Variants in PFKM observed in about 807,000 individuals in gnomAD.
The protein encoded by PFKM is phosphofructokinase, muscle, also known as ATP-dependent 6-phosphofructokinase, muscle type.
A neutral mutation model predicts 95.5 loss-of-function variants in PFKM; 58 were observed. That is an observed-to-expected ratio of 0.61 (90% confidence interval 0.49 to 0.76). The LOEUF (loss-of-function observed/expected upper bound fraction) is 0.76, where lower values mean the gene tolerates loss of function less well. Among genes scored for constraint, PFKM ranks in the 30% least tolerant of loss-of-function variants. PFKM has a pLI of 0.00. For missense variants in PFKM, 678 were observed against 1,005.4 expected (o/e 0.67, Z 4.40); for synonymous variants, 336 against 357.2 (o/e 0.94, Z 0.67).
intron 3 of PFKM, among the ~76,000 whole-genome samples, chr12:48,114,307 C>T (rs548781114): frequency 6.6e-6 from 1 of 152,274 alleles, no homozygotes; most frequent in Non-Finnish European, 1.5e-5. Flanking sequence ...GAGAAAGAGC[C>T]TAAACGCTGG....
upstream of PFKM, chr12:48,105,524 C>A (rs544052887): frequency 1.4e-4 from 72 of 518,310 alleles, 1 homozygote; most frequent in South Asian, 9.9e-4. Context: ...CAGGGAGATA[C>A]CACAGAGTAG....
chr12:48,122,029 G>A lies in PFKM; in HGVS notation c.-8-738G>A, dbSNP rs923388791. 4.6e-5 allele frequency among the ~76,000 whole-genome samples: 7 copies of A among 152,176 alleles called. No homozygotes were observed. In the East Asian group the frequency reaches 1.4e-3, roughly 29 times the overall value. ...CGTATGTACACATCTGTGTATATAC[G>A]GCAGTGACTTTGTGTTAATTTTCTC... On this transcript the variant is annotated intron_variant, in intron 1 of 22. Transcript: ENST00000359794.
intron 4 of PFKM, chr12:48,131,607 GA>G: frequency 1.6e-6 from 1 of 606,804 alleles, no homozygotes; most frequent in Non-Finnish European, 3.0e-6. Flanking sequence ...GTGATCACAG[GA>G]TGCTTTGCTC....
At position 48,122,767 on chromosome 12, in the gene PFKM, A is replaced by G; in HGVS notation, c.-8A>G. The G allele has an allele frequency of 6.2e-7, 1 of 1,613,986 alleles. No homozygotes were observed. The highest frequency in any genetic ancestry group is 8.5e-7 in the Non-Finnish European group (1 of 1,179,916). On this transcript the variant is annotated splice_region_variant and 5_prime_UTR_variant, in exon 2 of 23. Coordinates refer to ENST00000359794, the MANE Select transcript of PFKM (RefSeq NM_000289.6). Reference sequence around the variant, plus strand: ...AACTGACCATTGTCTTAAATTCTAGAGTGGATCATGACCCATGAAGAGCAC... The same window carrying G: ...AACTGACCATTGTCTTAAATTCTAGGGTGGATCATGACCCATGAAGAGCAC...
intron 11 of PFKM, among the ~76,000 whole-genome samples, chr12:48,138,225 C>G (rs1189831626): frequency 6.6e-6 from 1 of 152,148 alleles, no homozygotes; most frequent in East Asian, 1.9e-4. Flanking sequence ...GCTTTTGTCT[C>G]TATGATTTCT....
intron 4 of PFKM, 104 bp downstream of exon 4, chr12:48,131,497 G>C: frequency 1.2e-6 from 1 of 853,662 alleles, no homozygotes; most frequent in South Asian, 1.4e-5. Flanking sequence ...GTGGTTTCAT[G>C]GGAAGGAATT....
chr12:48,133,090 T>A lies in PFKM; in HGVS notation c.427+33T>A. The stretch of plus-strand genomic sequence containing the variant: ...AGTTTTCACATCAGTATTGCTTATT[T>A]GTGTCGGTACGTGCACGCGTGTACA... On this transcript the variant is annotated intron_variant, in intron 5 of 22. Transcript: ENST00000359794. 3.1e-6 allele frequency: 5 copies of A among 1,597,106 alleles called. No individual in the cohort carries two copies. In the South Asian group the frequency reaches 5.5e-5, roughly 18 times the overall value.
At chr12:48,123,947 T>C (rs1028013341) in intron 2 of PFKM, among the ~76,000 whole-genome samples, 1 of 152,200 alleles carries the variant, frequency 6.6e-6, no homozygotes, top group African/African-American at 2.4e-5. Flanking sequence ...ACTCTTTATT[T>C]AAGTAAGGTG....
At chr12:48,137,586 A>G in intron 10 of PFKM, 135 bp from the exon 11 acceptor site, 1 of 972,100 alleles carries the variant, frequency 1.0e-6, no homozygotes, top group Admixed American at 1.9e-5. Flanking sequence ...AAGCCCAGTA[A>G]GTTCTTTGCT....
intron 4 of PFKM, chr12:48,131,664 C>G: frequency 2.1e-6 from 1 of 483,704 alleles, no homozygotes. Flanking sequence ...GACACATAAG[C>G]AGATCTTACT....
At chr12:48,131,902 G>T (rs986799960) in intron 4 of PFKM, 2 of 405,692 alleles carry the variant, frequency 4.9e-6, no homozygotes, top group South Asian at 3.7e-5. Flanking sequence ...GCTCCATGTT[G>T]TTTTAGGCTT....
intron 6 of PFKM, among the ~76,000 whole-genome samples, 170 bp from the exon 7 acceptor site, chr12:48,134,062 A>G (rs191189104): frequency 5.9e-4 from 90 of 152,158 alleles, no homozygotes; most frequent in Admixed American, 5.0e-3. Flanking sequence ...TAGGAAGGAT[A>G]CCTTGTGGCT....
At chr12:48,118,873 G>A (rs1432997569), upstream of PFKM, among the ~76,000 whole-genome samples, 1 of 120,554 alleles carries the variant, frequency 8.3e-6, no homozygotes, top group Non-Finnish European at 1.6e-5. Flanking sequence ...GTTCCTCAAA[G>A]GCAGGGACTA....
At position 48,135,214 on chromosome 12, in the gene PFKM, G is replaced by A. The variant is rs984797554; in HGVS notation, c.844-77G>A. The stretch of plus-strand genomic sequence containing the variant: ...AAGACAAGAGGCTGAGCTGTCCATG[G>A]TTTACCCAAGTCTCTGCTTGTTTTC... On this transcript the variant is annotated intron_variant, in intron 9 of 22. Transcript: ENST00000359794. 8.3e-6 allele frequency: 11 copies of A among 1,329,890 alleles called. No homozygotes were observed. In the African/African-American group the frequency reaches 1.2e-4, roughly 14 times the overall value. 82.4% of individuals were successfully genotyped at this position (1,329,890 alleles called of 1,614,324 possible).
At chr12:48,110,829 CTG>C (rs775843596) in intron 3 of PFKM, among the ~76,000 whole-genome samples, 2 of 151,534 alleles carry the variant, frequency 1.3e-5, no homozygotes, top group East Asian at 1.9e-4. Flanking sequence ...ATGAGGCAGG[CTG>C]TGTGTGTGTG....
upstream of PFKM, among the ~76,000 whole-genome samples, chr12:48,116,794 T>C (rs1947719169): frequency 6.6e-6 from 1 of 152,224 alleles, no homozygotes; most frequent in Non-Finnish European, 1.5e-5. Context: ...TCCCTACTTA[T>C]TAACATCTTG....
chr12:48,112,655 A>G (rs1279750681), intron 3 of PFKM, among the ~76,000 whole-genome samples: 3 of 152,134 alleles, frequency 2.0e-5, no homozygotes, highest in African/African-American at 7.2e-5. Flanking sequence ...GGAGGGAGGT[A>G]TTGAGGTTAG....
Position 48,135,647 on chromosome 12 carries a change from G to A in PFKM, c.936+264G>A, listed in dbSNP as rs73302836. ...GTTTTGTTTCATATATTTTTAATAC[G>A]AATTTTGAGATAATTGTAGATTCAC... On this transcript the variant is annotated intron_variant, in intron 10 of 22. Transcript: ENST00000359794. 5.7e-3 allele frequency among the ~76,000 whole-genome samples: 864 copies of A among 152,176 alleles called. 15 individuals are homozygous for A. Among genetic ancestry groups the A allele is most frequent in the African/African-American group, 0.02 (811 of 41,514 alleles).
At chr12:48,143,534 T>A (rs1473020456) in intron 18 of PFKM, among the ~76,000 whole-genome samples, 1 of 152,234 alleles carries the variant, frequency 6.6e-6, no homozygotes, top group African/African-American at 2.4e-5. Context: ...CAGCTGTCTG[T>A]AGTGCTCCCT....
Sources: gnomAD v4.1 joint callset for allele counts (sites outside exome capture counted in the v4.1 genomes callset) on GRCh38, gnomAD v4.1.1 for gene constraint, MANE v1.5 for transcripts, NCBI Gene and HGNC (gene_info 2026-07-23, HGNC 2026-07-21) for gene names.